Variants in NELL1 observed in about 807,000 individuals in gnomAD.
NELL1 encodes the protein protein kinase C-binding protein NELL1.
Under a neutral mutation model 107.4 loss-of-function variants are expected in NELL1, and 76 were observed. That is an observed-to-expected ratio of 0.71 (90% CI 0.59 to 0.86). The LOEUF (loss-of-function observed/expected upper bound fraction) is 0.86, where lower values mean the gene tolerates loss of function less well. Ranked by LOEUF, NELL1 falls within the 40% of genes least tolerant of loss-of-function variation. NELL1 has a pLI of 0.00. For missense variants in NELL1, 1,024 were observed against 1,005.5 expected (o/e 1.02, Z -0.25); for synonymous variants, 353 against 341.2 (o/e 1.03, Z -0.38).
intron 12 of NELL1, among the ~76,000 whole-genome samples, chr11:21,105,280 G>A (rs1854922993): frequency 6.6e-6 from 1 of 152,086 alleles, no homozygotes; most frequent in South Asian, 2.1e-4. Context: ...AGAGAGAGAG[G>A]GCCACCAAAG....
chr11:20,702,665 T>C (rs1379644091), intron 2 of NELL1, among the ~76,000 whole-genome samples: 2 of 152,202 alleles, frequency 1.3e-5, no homozygotes, highest in South Asian at 2.1e-4. Flanking sequence ...AAAGCTCTTA[T>C]TATTTTGAGA....
At chr11:21,118,991 G>A (rs1855300171) in intron 13 of NELL1, among the ~76,000 whole-genome samples, 1 of 151,972 alleles carries the variant, frequency 6.6e-6, no homozygotes, top group Non-Finnish European at 1.5e-5. Context: ...GTTAGTGTCT[G>A]TCACAAGTGT....
intron 14 of NELL1, 24 bp downstream of exon 14, chr11:21,229,478 A>G (rs1423903870): frequency 1.2e-6 from 2 of 1,612,428 alleles, no homozygotes; most frequent in African/African-American, 1.3e-5. Flanking sequence ...CTTAGTGTTG[A>G]GTTGTGAGCA....
rs1853844179 is a variant in NELL1 at position 20,669,663 on chromosome 11, C to G, written c.-61C>G. Reference sequence around the variant, plus strand: ...TCCAAGCCAGGCGCGCCTCAGGATCCAGGCTCATTTGCTTCCACCTAGCTT... The same window carrying G: ...TCCAAGCCAGGCGCGCCTCAGGATCGAGGCTCATTTGCTTCCACCTAGCTT... On this transcript the variant is annotated 5_prime_UTR_variant, in exon 1 of 20. Coordinates refer to ENST00000357134, the MANE Select transcript of NELL1 (RefSeq NM_006157.5). This position sits in a 1 kb window ranked among gnomAD's most constrained non-coding sequence, Gnocchi z 4.4. 6.9e-7 allele frequency: 1 copy of G among 1,454,228 alleles called. No individual in the cohort carries two copies. Among genetic ancestry groups the G allele is most frequent in the South Asian group, 1.1e-5 (1 of 87,376 alleles). The allele number at this position is 1,454,228 out of a possible 1,614,324, so 90.1% of individuals were successfully genotyped here.
chr11:21,189,627 A>G (rs1857007239), intron 13 of NELL1, among the ~76,000 whole-genome samples: 1 of 150,976 alleles, frequency 6.6e-6, no homozygotes, highest in South Asian at 2.1e-4. Flanking sequence ...CACCTTTCTT[A>G]AGATTAGTGG....
intron 15 of NELL1, among the ~76,000 whole-genome samples, chr11:21,473,059 G>A (rs982074463): frequency 1.3e-5 from 2 of 152,172 alleles, no homozygotes; most frequent in East Asian, 1.9e-4. Context: ...AAGGTGGGAA[G>A]TGCTCAGTGC....
chr11:21,421,088 T>A (rs1852656228), intron 15 of NELL1, among the ~76,000 whole-genome samples: 2 of 152,124 alleles, frequency 1.3e-5, no homozygotes, highest in Non-Finnish European at 2.9e-5. Flanking sequence ...GAAAACACAT[T>A]GTATTTATGA....
Position 20,786,157 on chromosome 11 carries a change from C to A in NELL1, c.335+2327C>A, listed in dbSNP as rs1339693879. Among the ~76,000 whole-genome samples, 3 of 151,476 alleles carry A rather than the reference C, an allele frequency of 2.0e-5. No individual in the cohort carries two copies. In the South Asian group the frequency reaches 6.2e-4, roughly 32 times the overall value. Reference sequence around the variant, plus strand: ...CCTGAGGTCAGGAGTTCAAGACCAGCTGACCGACATGGTGAAACCCCGTCT... The same window carrying A: ...CCTGAGGTCAGGAGTTCAAGACCAGATGACCGACATGGTGAAACCCCGTCT... On this transcript the variant is annotated intron_variant, in intron 3 of 19. Coordinates refer to ENST00000357134, the MANE Select transcript of NELL1 (RefSeq NM_006157.5).
chr11:21,083,356 C>T (rs984145909), intron 12 of NELL1, among the ~76,000 whole-genome samples: 2 of 152,172 alleles, frequency 1.3e-5, no homozygotes, highest in South Asian at 2.1e-4. Context: ...TCTTCCCAAA[C>T]TTTACTGCTA....
At chr11:21,050,044 A>T (rs1185453767) in intron 12 of NELL1, among the ~76,000 whole-genome samples, 1 of 152,200 alleles carries the variant, frequency 6.6e-6, no homozygotes, top group African/African-American at 2.4e-5. Context: ...GCAAACGCAG[A>T]TGTAGACATC....
chr11:21,060,878 G>A (rs1312812060), intron 12 of NELL1, among the ~76,000 whole-genome samples: 2 of 152,094 alleles, frequency 1.3e-5, no homozygotes, highest in East Asian at 3.9e-4. Flanking sequence ...TGGGATTACA[G>A]GTGTGCACCA....
rs753304755 is a variant in NELL1 at position 21,165,120 on chromosome 11, TC to T, written c.1426+51409del. 2.0e-4 allele frequency among the ~76,000 whole-genome samples: 31 copies of T among 152,200 alleles called. No individual in the cohort carries two copies. In the East Asian group the frequency reaches 2.1e-3, roughly 10 times the overall value. On this transcript the variant is annotated intron_variant, in intron 13 of 19. Transcript: ENST00000357134. ...TGAATCCAGAAAGTTTTACAGTATT[TC>T]CCAGCTCATGACCTCATGGTGCCAT... is the stretch of plus-strand genomic sequence containing the variant.
chr11:21,429,028 A>C (rs1335636567), intron 15 of NELL1, among the ~76,000 whole-genome samples: 1 of 152,204 alleles, frequency 6.6e-6, no homozygotes, highest in Non-Finnish European at 1.5e-5. Context: ...ATTCATAGCC[A>C]ACACTTGAGG....
chr11:21,120,757 A>C (rs1855349005), intron 13 of NELL1, among the ~76,000 whole-genome samples: 1 of 152,172 alleles, frequency 6.6e-6, no homozygotes, highest in African/African-American at 2.4e-5. Flanking sequence ...TGATATATTG[A>C]ACAAGAAAAG....
intron 16 of NELL1, among the ~76,000 whole-genome samples, chr11:21,559,195 G>A (rs1856794017): frequency 6.6e-6 from 1 of 152,066 alleles, no homozygotes; most frequent in Non-Finnish European, 1.5e-5. Context: ...GTGCATAGCA[G>A]GTAAACCAAA....
At chr11:20,819,452 C>G (rs1002351385) in intron 3 of NELL1, among the ~76,000 whole-genome samples, 7 of 152,186 alleles carry the variant, frequency 4.6e-5, no homozygotes, top group African/African-American at 1.7e-4. Context: ...GCAAAGATGT[C>G]CAGTGCCCAC....
rs572590913 is a variant in NELL1, at chr11:21,292,629, C to T, written c.1549+63175C>T. Among the ~76,000 whole-genome samples the T allele has an allele frequency of 2.4e-4, 36 of 152,098 alleles. 1 individual carries two copies. The highest frequency in any genetic ancestry group is 4.9e-4 in the Non-Finnish European group (33 of 68,014). ...AGGAGCCTGCATAGACAAGACAATCCTAAGCAAAAAGAACAAAGCTGGAGG... is the reference window on the plus strand; with the variant it reads ...AGGAGCCTGCATAGACAAGACAATCTTAAGCAAAAAGAACAAAGCTGGAGG... On this transcript the variant is annotated intron_variant, in intron 14 of 19. Transcript: ENST00000357134.
chr11:21,022,478 T>C lies in NELL1; in HGVS notation c.1300+61918T>C, dbSNP rs181193269. ...CAGGTTACACAGCTACTAAATTGGGTTGCTAAACCTTGAAAATGGGACTAA... is the reference window on the plus strand; with the variant it reads ...CAGGTTACACAGCTACTAAATTGGGCTGCTAAACCTTGAAAATGGGACTAA... On this transcript the variant is annotated intron_variant, in intron 12 of 19. Transcript: ENST00000357134. Among the ~76,000 whole-genome samples, 3 of 152,236 alleles carry C rather than the reference T, an allele frequency of 2.0e-5. No homozygotes were observed. In the East Asian group the frequency reaches 5.8e-4, roughly 29 times the overall value.
intron 14 of NELL1, among the ~76,000 whole-genome samples, chr11:21,230,391 C>A (rs1271987200): frequency 6.6e-6 from 1 of 152,168 alleles, no homozygotes; most frequent in Non-Finnish European, 1.5e-5. Flanking sequence ...ATCTTCTCCC[C>A]CCATTGTCCC....
Sources: gnomAD v4.1 joint callset for allele counts (sites outside exome capture counted in the v4.1 genomes callset) on GRCh38, gnomAD v4.1.1 for gene constraint, Gnocchi (gnomAD v3.1) non-coding constraint, MANE v1.5 for transcripts, NCBI Gene and HGNC (gene_info 2026-07-23, HGNC 2026-07-21) for gene names.